BACH2: variants seen among roughly 807,000 people sequenced by gnomAD.
BACH2 encodes transcription regulator protein BACH2.
BACH2 carries 5 observed loss-of-function variants against 61.8 expected under a neutral mutation model. The observed-to-expected ratio is 0.08, with a 90% CI of 0.04 to 0.17. BACH2 has a LOEUF of 0.17. Ranked by LOEUF, BACH2 falls within the 10% of genes least tolerant of loss-of-function variation. The pLI is 1.00. For missense variants in BACH2, 824 were observed against 1,091.1 expected (o/e 0.76, Z 3.45); for synonymous variants, 446 against 440.1 (o/e 1.01, Z -0.17).
rs1286341948 is a variant in BACH2, at chr6:90,049,154, G to A, written c.-13+39807C>T. 3.3e-5 allele frequency among the ~76,000 whole-genome samples: 5 copies of A among 152,144 alleles called. No individual in the cohort carries two copies. In the East Asian group the frequency reaches 9.6e-4, roughly 29 times the overall value. On this transcript the variant is annotated intron_variant, in intron 5 of 8. Coordinates refer to ENST00000257749, the MANE Select transcript of BACH2 (RefSeq NM_021813.4). ...CAATCATTCCATAAACTTTTATTGA[G>A]TGCTCAGATGCCAAGTTATTATTTT...
rs991128448 is a variant in BACH2, at chr6:89,951,146, G to C, written c.960C>G (p.Pro320=). Residue 320 remains proline, a synonymous_variant, in exon 7 of 9, where the codon CCC becomes CCG. Coordinates refer to ENST00000257749, the MANE Select transcript of BACH2 (RefSeq NM_021813.4). This position sits in a 1 kb window ranked among gnomAD's most constrained non-coding sequence, Gnocchi z 6.4. The part of the protein sequence containing the change: ...DRKQPSPAPT[P]TAPAGAACLE... ...GGCAGGCGGCCCCAGCTGGGGCCGT[G>C]GGGGTAGGGGCAGGGCTGGGCTGTT... 2 of 1,612,180 alleles carry C rather than the reference G, an allele frequency of 1.2e-6. No homozygotes were observed. Among genetic ancestry groups the C allele is most frequent in the African/African-American group, 1.3e-5 (1 of 74,864 alleles).
At chr6:90,279,194 A>G (rs1462638305) in intron 1 of BACH2, among the ~76,000 whole-genome samples, 5 of 152,086 alleles carry the variant, frequency 3.3e-5, no homozygotes, top group African/African-American at 1.2e-4. Flanking sequence ...CGCTATAGGA[A>G]TATGCAGTAA....
At chr6:90,078,673 A>G (rs1377961657) in intron 5 of BACH2, among the ~76,000 whole-genome samples, 1 of 152,138 alleles carries the variant, frequency 6.6e-6, no homozygotes, top group Non-Finnish European at 1.5e-5. Flanking sequence ...TGCTTTATGT[A>G]CGTCATCTCA....
At chr6:90,144,858 C>T (rs910801951) in intron 4 of BACH2, among the ~76,000 whole-genome samples, 7 of 152,146 alleles carry the variant, frequency 4.6e-5, no homozygotes, top group Non-Finnish European at 7.3e-5. Flanking sequence ...AGCGATCATC[C>T]GTGATTGTAA....
At position 89,932,237 on chromosome 6, in the gene BACH2, C is replaced by T. The variant is rs1584492724; in HGVS notation, c.*171G>A. 1.1e-6 allele frequency: 1 copy of T among 893,820 alleles called. No individual in the cohort carries two copies. Among genetic ancestry groups the T allele is most frequent in the East Asian group, 2.5e-5 (1 of 40,628 alleles). The allele number at this position is 893,820 out of a possible 1,614,324, so 55.4% of individuals were successfully genotyped here. A position where few individuals can be genotyped will look rare whatever the true frequency, so the allele number is the denominator to read the frequency against. ...ACCATTGTGAAGGTAACTATCACTCCTGCTCGAGAAGAGGAGAGGATACTT... is the reference window on the plus strand; with the variant it reads ...ACCATTGTGAAGGTAACTATCACTCTTGCTCGAGAAGAGGAGAGGATACTT... On this transcript the variant is annotated 3_prime_UTR_variant, in exon 9 of 9. Transcript: ENST00000257749.
At chr6:89,960,895 A>T (rs1273993862) in intron 6 of BACH2, among the ~76,000 whole-genome samples, 1 of 152,210 alleles carries the variant, frequency 6.6e-6, no homozygotes, top group Non-Finnish European at 1.5e-5. Context: ...TAATGGCTGA[A>T]ACTGCCCCTT....
chr6:90,089,907 T>C, intron 4 of BACH2, among the ~76,000 whole-genome samples: 1 of 152,140 alleles, frequency 6.6e-6, no homozygotes, highest in Non-Finnish European at 1.5e-5. Flanking sequence ...TGCATATTCT[T>C]ATTAAGTGGG....
intron 4 of BACH2, among the ~76,000 whole-genome samples, chr6:90,102,989 C>T (rs58916834): frequency 1.7e-5 from 2 of 115,220 alleles, no homozygotes; most frequent in African/African-American, 3.6e-5. Flanking sequence ...ACAAAAACTG[C>T]TAAATTTGAC....
intron 6 of BACH2, among the ~76,000 whole-genome samples, chr6:89,963,298 GTTTGTT>G (rs998004014): frequency 1.2e-3 from 186 of 152,148 alleles, no homozygotes; most frequent in African/African-American, 4.3e-3. Context: ...TATTTTTCTT[GTTTGTT>G]TTTGTTTTTA....
chr6:90,162,487 T>TTTTTTTTTTTTTTTTTTTGAGACGG (rs1767435570), intron 4 of BACH2, among the ~76,000 whole-genome samples: 1 of 151,704 alleles, frequency 6.6e-6, no homozygotes, highest in African/African-American at 2.4e-5. Flanking sequence ...AAAAATTTTT[T>TTTTTTTTTTTTTTTTTTTGAGACGG]AAAAATTAGC....
chr6:90,055,104 T>A (rs1780261350), intron 5 of BACH2, among the ~76,000 whole-genome samples: 1 of 152,078 alleles, frequency 6.6e-6, no homozygotes, highest in Non-Finnish European at 1.5e-5. Flanking sequence ...TCACCAGCAA[T>A]GGAACAAAGC....
intron 3 of BACH2, among the ~76,000 whole-genome samples, chr6:90,226,042 G>T (rs930547473): frequency 6.6e-6 from 1 of 152,134 alleles, no homozygotes; most frequent in Non-Finnish European, 1.5e-5. Flanking sequence ...TGATTCTGAT[G>T]TGCTGTAAAG....
chr6:90,252,351 A>T (rs991151811), intron 3 of BACH2, among the ~76,000 whole-genome samples, 162 bp downstream of exon 3: 13 of 152,182 alleles, frequency 8.5e-5, no homozygotes, highest in African/African-American at 2.7e-4. Flanking sequence ...TATGGGCCCC[A>T]CAGCTATGGG....
chr6:90,278,506 C>G (rs975928994), intron 1 of BACH2, among the ~76,000 whole-genome samples: 1 of 152,204 alleles, frequency 6.6e-6, no homozygotes, highest in Admixed American at 6.5e-5. Context: ...ATGTATCTCT[C>G]AAGCCATGAT....
chr6:90,073,894 G>C (rs1246007370), intron 5 of BACH2, among the ~76,000 whole-genome samples: 1 of 152,058 alleles, frequency 6.6e-6, no homozygotes, highest in East Asian at 1.9e-4. Flanking sequence ...TGATTTAAAG[G>C]ATTTTTTTCT....
chr6:89,947,634 C>T (rs942908796), intron 7 of BACH2, among the ~76,000 whole-genome samples: 1 of 151,712 alleles, frequency 6.6e-6, no homozygotes. Context: ...GGCGCGATCT[C>T]GGCTCACTGC....
chr6:90,069,963 A>C (rs1781148454), intron 5 of BACH2, among the ~76,000 whole-genome samples: 1 of 152,124 alleles, frequency 6.6e-6, no homozygotes, highest in African/African-American at 2.4e-5. Flanking sequence ...GTGGGTGAGA[A>C]AGGACACTCC....
chr6:90,102,486 C>T (rs1018212999), intron 4 of BACH2, among the ~76,000 whole-genome samples: 19 of 152,030 alleles, frequency 1.2e-4, no homozygotes, highest in African/African-American at 4.4e-4. Flanking sequence ...TTGAATGAAC[C>T]TTTCAAAAAG....
intron 4 of BACH2, among the ~76,000 whole-genome samples, chr6:90,147,167 T>C (rs150786331): frequency 1.0e-3 from 154 of 152,272 alleles, no homozygotes; most frequent in African/African-American, 3.6e-3. Flanking sequence ...GGGGCAGTAA[T>C]AAAAATAAAT....
Sources: gnomAD v4.1 joint callset for allele counts (sites outside exome capture counted in the v4.1 genomes callset) on GRCh38, gnomAD v4.1.1 for gene constraint, Gnocchi (gnomAD v3.1) non-coding constraint, MANE v1.5 for transcripts, NCBI Gene and HGNC (gene_info 2026-07-23, HGNC 2026-07-21) for gene names.